Variants in FBXO3 observed in about 807,000 individuals in gnomAD.
FBXO3 encodes F-box only protein 3.
Under a neutral mutation model 64.8 loss-of-function variants are expected in FBXO3, and 17 were observed. The observed-to-expected ratio is 0.26, with a 90% CI of 0.18 to 0.39. The LOEUF is 0.39. FBXO3 is among the 10% of genes least tolerant of loss of function. The pLI, the probability that FBXO3 is intolerant of heterozygous loss-of-function variation, is 1.00. For missense variants in FBXO3, 420 were observed against 589.9 expected (o/e 0.71, Z 2.98); for synonymous variants, 182 against 201.6 (o/e 0.90, Z 0.82).
intron 3 of FBXO3, among the ~76,000 whole-genome samples, chr11:33,760,424 C>T (rs745565439): frequency 1.3e-5 from 2 of 151,970 alleles, no homozygotes; most frequent in African/African-American, 2.4e-5. Context: ...GGGAGGGTGG[C>T]TTGAGGCCAG....
rs533670472 is a variant in FBXO3, at chr11:33,767,388, T to C, written c.358+1463A>G. On this transcript the variant is annotated intron_variant, in intron 3 of 10. Coordinates refer to ENST00000265651, the MANE Select transcript of FBXO3 (RefSeq NM_012175.4). ...GATCTCGGCTCACCGCAAGCTCCGC[T>C]TGCCGGGTTCACGCCATTCTCCTGC... Among the ~76,000 whole-genome samples the C allele has an allele frequency of 2.9e-3, 448 of 152,272 alleles. 3 individuals carry two copies. Among genetic ancestry groups the C allele is most frequent in the Non-Finnish European group, 5.4e-3 (364 of 68,006 alleles).
intron 4 of FBXO3, among the ~76,000 whole-genome samples, chr11:33,757,311 T>C (rs1855122205): frequency 6.6e-6 from 1 of 151,890 alleles, no homozygotes; most frequent in Non-Finnish European, 1.5e-5. Flanking sequence ...TGAGTTTTGA[T>C]GACTACTGCA....
intron 1 of FBXO3, chr11:33,771,254 CTTTTTA>C (rs1445505146): frequency 6.6e-6 from 1 of 152,286 alleles, no homozygotes; most frequent in Non-Finnish European, 1.5e-5. Context: ...AATACACAGA[CTTTTTA>C]TTTTTGTTTT....
chr11:33,753,787 G>A (rs184331935), intron 6 of FBXO3: 1 of 152,202 alleles, frequency 6.6e-6, no homozygotes, highest in Non-Finnish European at 1.5e-5. Flanking sequence ...ATATGTAGAT[G>A]TTTAATATAT....
intron 8 of FBXO3, among the ~76,000 whole-genome samples, chr11:33,749,137 C>T (rs992064242): frequency 6.6e-5 from 10 of 152,110 alleles, no homozygotes; most frequent in African/African-American, 2.4e-4. Context: ...GGATCAACAA[C>T]AGAAAGGGCA....
At chr11:33,774,126 G>T in intron 1 of FBXO3, 1 of 388,750 alleles carries the variant, frequency 2.6e-6, no homozygotes, top group South Asian at 2.5e-5. Flanking sequence ...TCCTTCTCTT[G>T]CAAGTGGGCC....
chr11:33,742,216 T>G (rs769878474), intron 10 of FBXO3, 132 bp from the exon 11 acceptor site: 30 of 769,326 alleles, frequency 3.9e-5, no homozygotes, highest in Non-Finnish European at 5.6e-5. Context: ...ACTTGAACAG[T>G]GGATTCTCAC....
chr11:33,742,662 C>T (rs1406063659), intron 10 of FBXO3: 1 of 152,120 alleles, frequency 6.6e-6, no homozygotes. Flanking sequence ...AAATATTAAT[C>T]AAGTATGACC....
chr11:33,755,387 CCCACTG>C (rs1246838042), intron 5 of FBXO3, among the ~76,000 whole-genome samples: 58 of 152,188 alleles, frequency 3.8e-4, no homozygotes, highest in African/African-American at 1.4e-3. Flanking sequence ...ACATCAAATA[CCCACTG>C]AACAAAGTTT....
intron 3 of FBXO3, among the ~76,000 whole-genome samples, chr11:33,762,225 C>CT (rs1488387739): frequency 6.6e-6 from 1 of 152,158 alleles, no homozygotes; most frequent in Non-Finnish European, 1.5e-5. Context: ...CTCTCAATAA[C>CT]TAACAGAACA....
At chr11:33,762,724 T>A (rs1855272290) in intron 3 of FBXO3, among the ~76,000 whole-genome samples, 3 of 95,304 alleles carry the variant, frequency 3.1e-5, no homozygotes, top group African/African-American at 6.6e-5. Context: ...TGATCCCAAG[T>A]CAGGAAAAAA....
intron 3 of FBXO3, among the ~76,000 whole-genome samples, chr11:33,768,558 G>A (rs529639101): frequency 2.6e-5 from 4 of 152,194 alleles, no homozygotes; most frequent in Non-Finnish European, 4.4e-5. Context: ...AGAAATCACC[G>A]TAGTTACTCT....
At position 33,774,388 on chromosome 11, in the gene FBXO3, C is replaced by T. The variant is rs1855588403; in HGVS notation, c.104+6G>A. On this transcript the variant is annotated splice_donor_region_variant and intron_variant, in intron 1 of 10. Coordinates refer to ENST00000265651, the MANE Select transcript of FBXO3 (RefSeq NM_012175.4). ...CCCACCCCTGCCATGCGTGTCGTCC[C>T]ATTACTTGATTAGATCCCGATAGTC... 6.3e-7 allele frequency: 1 copy of T among 1,599,498 alleles called. No individual in the cohort carries two copies. Among genetic ancestry groups the T allele is most frequent in the African/African-American group, 1.3e-5 (1 of 74,158 alleles).
intron 10 of FBXO3, 72 bp from the exon 11 acceptor site, chr11:33,742,156 A>C: frequency 2.9e-6 from 4 of 1,375,118 alleles, no homozygotes; most frequent in Non-Finnish European, 3.8e-6. Context: ...GTAAATTCTC[A>C]TTTATCTAGA....
intron 3 of FBXO3, among the ~76,000 whole-genome samples, chr11:33,766,196 G>A (rs1010682578): frequency 6.6e-6 from 1 of 152,132 alleles, no homozygotes; most frequent in Admixed American, 6.5e-5. Flanking sequence ...ACTCATAGAA[G>A]GAAACAGTGA....
At chr11:33,758,913 G>A (rs1855174390) in intron 3 of FBXO3, among the ~76,000 whole-genome samples, 1 of 142,152 alleles carries the variant, frequency 7.0e-6, no homozygotes, top group Non-Finnish European at 1.6e-5. Context: ...TATTCATACT[G>A]CTTTATTTAA....
At chr11:33,757,389 G>T (rs1855124214) in intron 4 of FBXO3, among the ~76,000 whole-genome samples, 1 of 150,004 alleles carries the variant, frequency 6.7e-6, no homozygotes, top group African/African-American at 2.5e-5. Context: ...TGAGGCAGGA[G>T]GATCCCTTGA....
Position 33,751,553 on chromosome 11 carries a change from C to A in FBXO3, c.779G>T (p.Gly260Val). The change falls in exon 7 of 11, where the codon GGC becomes GTC. Residue 260 changes from glycine to valine, a missense_variant. Gly to Val is a moderately radical substitution (Grantham distance 109). This residue lies in a region of FBXO3 where 337 missense variants were observed against 518.4 expected (regional missense o/e 0.65). Transcript: ENST00000265651. ...TSYVKNVVSG[G>V]FPIIRDQIFR... ...AATTTGGTCTCTGATGATGGGGAAG[C>A]CACCTGATACAACATTTTTGACATA... 1 of 1,608,460 alleles carries A rather than the reference C, an allele frequency of 6.2e-7. No homozygotes were observed. Among genetic ancestry groups the A allele is most frequent in the Non-Finnish European group, 8.5e-7 (1 of 1,177,726 alleles).
intron 3 of FBXO3, among the ~76,000 whole-genome samples, chr11:33,765,182 T>C (rs1855337200): frequency 6.6e-6 from 1 of 152,186 alleles, no homozygotes; most frequent in South Asian, 2.1e-4. Context: ...GAAGATGTTT[T>C]AGTTTTCATA....
Sources: allele counts gnomAD v4.1 joint callset (sites outside exome capture counted in the v4.1 genomes callset), GRCh38; gene constraint gnomAD v4.1.1; regional missense constraint gnomAD v4.1.1; transcripts MANE v1.5; gene names NCBI Gene and HGNC (gene_info 2026-07-23, HGNC 2026-07-21).